NIPBL: variants seen among roughly 807,000 people sequenced by gnomAD.
NIPBL encodes nipped-B-like protein.
Under a neutral mutation model 321.8 loss-of-function variants are expected in NIPBL, and 19 were observed. The observed-to-expected ratio is 0.06, with a 90% CI of 0.04 to 0.09. NIPBL has a LOEUF of 0.09. Among genes scored for constraint, NIPBL ranks in the 10% least tolerant of loss-of-function variants. The pLI is 1.00. For synonymous variants in NIPBL, 1,106 were observed against 1,114.1 expected, an observed-to-expected ratio of 0.99 and a Z score of 0.14; for missense variants, 2,210 against 3,327.0, an observed-to-expected ratio of 0.66 and a Z score of 8.26.
chr5:36,976,020 C>T lies in NIPBL; in HGVS notation c.1113C>T (p.Asp371=). ...CTCGTGTAAGGTCTTCAGACATGGA[C>T]CAGCAAGAGGATATGATTTCTGGTG... The part of the protein sequence containing the change: ...RLSRVRSSDM[D]QQEDMISGVE... The change falls in exon 9 of 47, where the codon GAC becomes GAT. Residue 371 remains aspartate, a synonymous_variant. Coordinates refer to ENST00000282516, the MANE Select transcript of NIPBL (RefSeq NM_133433.4). 1 of 1,613,994 alleles carries T rather than the reference C, an allele frequency of 6.2e-7. No individual in the cohort carries two copies. The highest frequency in any genetic ancestry group is 8.5e-7 in the Non-Finnish European group (1 of 1,179,938).
chr5:36,880,705 T>G (rs1417734646), intron 1 of NIPBL, among the ~76,000 whole-genome samples: 5 of 152,056 alleles, frequency 3.3e-5, no homozygotes. Flanking sequence ...AAAAATTGTT[T>G]TAAGATGGAC....
intron 24 of NIPBL, among the ~76,000 whole-genome samples, chr5:37,018,661 A>T (rs1342431089): frequency 6.6e-6 from 1 of 152,138 alleles, no homozygotes; most frequent in Admixed American, 6.5e-5. Flanking sequence ...TATGTTGATT[A>T]TACATTGTGC....
At chr5:36,948,798 A>G (rs1215352347) in intron 1 of NIPBL, among the ~76,000 whole-genome samples, 7 of 151,934 alleles carry the variant, frequency 4.6e-5, no homozygotes, top group Admixed American at 2.0e-4. Flanking sequence ...TTGAAGTGCC[A>G]TAGAAATGTG....
chr5:36,888,321 A>T (rs1192832195), intron 1 of NIPBL, among the ~76,000 whole-genome samples: 1 of 152,144 alleles, frequency 6.6e-6, no homozygotes, highest in Non-Finnish European at 1.5e-5. Context: ...CTTACAGCCC[A>T]GTTTATCAGC....
intron 3 of NIPBL, among the ~76,000 whole-genome samples, chr5:36,956,192 C>G (rs988866613): frequency 1.3e-5 from 2 of 151,916 alleles, no homozygotes; most frequent in African/African-American, 4.8e-5. Context: ...GATCACGCCA[C>G]TGCACTCCAG....
rs775593228 is a variant in NIPBL at position 36,986,324 on chromosome 5, C to A, written c.3121+23C>A. 3.6e-6 allele frequency: 5 copies of A among 1,394,548 alleles called. No homozygotes were observed. In the African/African-American group the frequency reaches 5.8e-5, roughly 16 times the overall value. 86.4% of individuals were successfully genotyped at this position (1,394,548 alleles called of 1,614,324 possible). A position where few individuals can be genotyped will look rare whatever the true frequency, so the allele number is the denominator to read the frequency against. Reference sequence around the variant, plus strand: ...AAGGTAAGAATACTTCTACTGATGTCATTTATAATATAATCGATTTTAAGT... The same window carrying A: ...AAGGTAAGAATACTTCTACTGATGTAATTTATAATATAATCGATTTTAAGT... On this transcript the variant is annotated intron_variant, in intron 10 of 46. Coordinates refer to ENST00000282516, the MANE Select transcript of NIPBL (RefSeq NM_133433.4).
chr5:36,975,952 A>T lies in NIPBL; in HGVS notation c.1045A>T (p.Ser349Cys). Reference sequence around the variant, plus strand: ...GAAAGCGGCAATGTATGATATAATTAGTTCTCCATCCAAGGACTCTACTAA... The same window carrying T: ...GAAAGCGGCAATGTATGATATAATTTGTTCTCCATCCAAGGACTCTACTAA... ...SEKAAMYDIISSPSKDSTKLT... is the reference protein window; with the variant it reads ...SEKAAMYDIICSPSKDSTKLT... The change falls in exon 9 of 47, where the codon AGT becomes TGT. Residue 349 changes from serine (S) to cysteine (C), a missense_variant. Ser to Cys is a moderately radical substitution (Grantham distance 112). This residue lies in a region of NIPBL where 464 missense variants were observed against 529.5 expected (regional missense o/e 0.88). Coordinates refer to ENST00000282516, the MANE Select transcript of NIPBL (RefSeq NM_133433.4). The T allele has an allele frequency of 6.2e-7, 1 of 1,614,030 alleles. No homozygotes were observed. The highest frequency in any genetic ancestry group is 8.5e-7 in the Non-Finnish European group (1 of 1,179,946).
In NIPBL at chr5:37,005,308, C is replaced by G. The variant is rs377137287; in HGVS notation, c.3856-1049C>G. Among the ~76,000 whole-genome samples the G allele has an allele frequency of 2.6e-4, 39 of 152,210 alleles. No individual in the cohort carries two copies. In the Middle Eastern group the frequency reaches 0.01, roughly 40 times the overall value. ...CACAGAAACAAAGGCTTAGAGAAAC[C>G]TAAAGTAACAATCTACTCCATTGTT... On this transcript the variant is annotated intron_variant, in intron 16 of 46. Coordinates refer to ENST00000282516, the MANE Select transcript of NIPBL (RefSeq NM_133433.4).
chr5:37,062,194 A>C (rs1488062899), intron 45 of NIPBL, among the ~76,000 whole-genome samples: 1 of 152,194 alleles, frequency 6.6e-6, no homozygotes, highest in African/African-American at 2.4e-5. Flanking sequence ...CTGTGGGTTG[A>C]ATCCGCAGGT....
chr5:36,878,197 GC>G (rs1441467054), intron 1 of NIPBL, among the ~76,000 whole-genome samples: 2 of 152,180 alleles, frequency 1.3e-5, no homozygotes, highest in African/African-American at 4.8e-5. Context: ...TGTAGAAGGT[GC>G]CATCCTTTTA....
At chr5:36,903,782 AAT>A (rs1388841335) in intron 1 of NIPBL, among the ~76,000 whole-genome samples, 12 of 152,326 alleles carry the variant, frequency 7.9e-5, no homozygotes, top group Admixed American at 7.8e-4. Flanking sequence ...TTCTTTAAGA[AAT>A]ATTAATATTT....
At position 37,019,302 on chromosome 5, in the gene NIPBL, A is replaced by C; in HGVS notation, c.4921-9A>C. On this transcript the variant is annotated splice_polypyrimidine_tract_variant and intron_variant, in intron 24 of 46. Transcript: ENST00000282516. ...TATCTTTTTTGTTCTTATTTGGTTT[A>C]TTCTATAGGTTTCAGGAGGGGAAGA... 1 of 1,586,060 alleles carries C rather than the reference A, an allele frequency of 6.3e-7. No homozygotes were observed. Among genetic ancestry groups the C allele is most frequent in the African/African-American group, 1.3e-5 (1 of 74,348 alleles).
chr5:36,890,433 A>G (rs1323168060), intron 1 of NIPBL, among the ~76,000 whole-genome samples: 1 of 152,172 alleles, frequency 6.6e-6, no homozygotes, highest in Non-Finnish European at 1.5e-5. Flanking sequence ...CAGTAGATTC[A>G]TTGTGTTTTT....
intron 1 of NIPBL, among the ~76,000 whole-genome samples, chr5:36,904,400 C>G (rs573325992): frequency 5.2e-4 from 79 of 152,250 alleles, no homozygotes; most frequent in African/African-American, 1.9e-3. Context: ...ACCCGGGAGG[C>G]GGAGGTTGCA....
chr5:36,887,209 T>TG (rs1745977804), intron 1 of NIPBL, among the ~76,000 whole-genome samples: 1 of 152,208 alleles, frequency 6.6e-6, no homozygotes, highest in African/African-American at 2.4e-5. Flanking sequence ...ACCAAGCATG[T>TG]GAAATAGACC....
At chr5:36,977,080 C>A (rs889739470) in intron 9 of NIPBL, among the ~76,000 whole-genome samples, 19 of 151,890 alleles carry the variant, frequency 1.3e-4, no homozygotes, top group African/African-American at 4.1e-4. Flanking sequence ...AAAATAAATT[C>A]ATAGTAAGTT....
intron 2 of NIPBL, chr5:36,955,077 A>G (rs1220861456): frequency 5.4e-6 from 1 of 184,252 alleles, no homozygotes; most frequent in African/African-American, 2.4e-5. Flanking sequence ...ATGAAGAGTC[A>G]GATATTGTTA....
chr5:36,909,237 A>G (rs1057026612), intron 1 of NIPBL, among the ~76,000 whole-genome samples: 5 of 152,204 alleles, frequency 3.3e-5, no homozygotes, highest in African/African-American at 9.6e-5. Context: ...TCTGTTGAGA[A>G]TTGGTCTAGT....
chr5:37,066,241 TTTAA>T lies in NIPBL; in HGVS notation c.*1352_*1355del, dbSNP rs1443235615. 6.6e-6 allele frequency: 1 copy of T among 152,166 alleles called. No individual in the cohort carries two copies. The highest frequency in any genetic ancestry group is 2.4e-5 in the African/African-American group (1 of 41,448). 9.4% of individuals were successfully genotyped at this position (152,166 alleles called of 1,614,324 possible). ...TACAGTGGATGAGGTCTGTTTCAAG[TTTAA>T]TTCTTTTTAAAAATGTTTTACTTAT... is the stretch of plus-strand genomic sequence containing the variant. On this transcript the variant is annotated 3_prime_UTR_variant, in exon 47 of 47. Transcript: ENST00000282516.
Sources: gnomAD v4.1 joint callset for allele counts (sites outside exome capture counted in the v4.1 genomes callset) on GRCh38, gnomAD v4.1.1 for gene constraint, gnomAD v4.1.1 regional missense constraint, MANE v1.5 for transcripts, NCBI Gene and HGNC (gene_info 2026-07-23, HGNC 2026-07-21) for gene names.